SDK1: variants seen among roughly 807,000 people sequenced by gnomAD.
The protein encoded by SDK1 is protein sidekick-1.
SDK1 carries 157 observed loss-of-function variants against 245.5 expected under a neutral mutation model. The observed-to-expected ratio is 0.64, with a 90% CI of 0.56 to 0.73. The LOEUF is 0.73. Ranked by LOEUF, SDK1 falls within the 30% of genes least tolerant of loss-of-function variation. SDK1 has a pLI of 0.00. For synonymous variants in SDK1, 1,647 were observed against 1,278.5 expected, an observed-to-expected ratio of 1.29 and a Z score of -6.15; for missense variants, 3,583 against 3,002.3, an observed-to-expected ratio of 1.19 and a Z score of -4.52.
chr7:4,179,829 G>A (rs1424257550), intron 35 of SDK1, among the ~76,000 whole-genome samples: 3 of 151,942 alleles, frequency 2.0e-5, no homozygotes, highest in African/African-American at 7.2e-5. Context: ...GTATTCGGGT[G>A]ACTGGGCCCC....
chr7:3,746,552 A>G (rs1215709126), intron 4 of SDK1, among the ~76,000 whole-genome samples: 1 of 152,232 alleles, frequency 6.6e-6, no homozygotes. Flanking sequence ...TTTATCAACT[A>G]AGAGTATGTA....
chr7:4,236,705 G>A (rs1378798365), intron 41 of SDK1, among the ~76,000 whole-genome samples: 2 of 152,036 alleles, frequency 1.3e-5, no homozygotes, highest in African/African-American at 4.8e-5. Flanking sequence ...GACCTCTCTT[G>A]GGTGATGTAA....
chr7:4,010,923 T>C (rs1052166593), intron 14 of SDK1, 43 bp from the exon 15 acceptor site: 2 of 1,607,786 alleles, frequency 1.2e-6, no homozygotes, highest in Admixed American at 1.7e-5. Context: ...TATTCAGACA[T>C]GATAAGCCTG....
rs577254059 is a variant in SDK1, at chr7:3,605,054, T to A, written c.299-14026T>A. Among the ~76,000 whole-genome samples the A allele has an allele frequency of 1.4e-4, 21 of 152,198 alleles. No homozygotes were observed. In the South Asian group the frequency reaches 2.1e-3, roughly 15 times the overall value. On this transcript the variant is annotated intron_variant, in intron 1 of 44. Transcript: ENST00000404826. ...AGGATACACTCTGTATAAATTTAGT[T>A]CTTTTAATTTTTTTTAGGTTTGTTT...
intron 35 of SDK1, 73 bp from the exon 36 acceptor site, chr7:4,205,805 TG>T (rs2128227111): frequency 8.5e-7 from 1 of 1,179,768 alleles, no homozygotes; most frequent in Non-Finnish European, 1.2e-6. Flanking sequence ...TCGAGCCCCA[TG>T]GGCATGTGGG....
chr7:3,673,679 C>G lies in SDK1; in HGVS notation c.713+31574C>G, dbSNP rs533202606. Among the ~76,000 whole-genome samples the G allele has an allele frequency of 2.3e-4, 35 of 152,272 alleles. No individual in the cohort carries two copies. The South Asian group carries it at 5.2e-3, about 23-fold the overall frequency. On this transcript the variant is annotated intron_variant, in intron 4 of 44. Transcript: ENST00000404826. ...GTAGTTTCGTCTTGCTCTGCAAAGACAAAAGCTCAGTCATTGACCTGGAGG... is the reference window on the plus strand; with the variant it reads ...GTAGTTTCGTCTTGCTCTGCAAAGAGAAAAGCTCAGTCATTGACCTGGAGG...
At chr7:3,594,868 A>G (rs1781002288) in intron 1 of SDK1, among the ~76,000 whole-genome samples, 1 of 152,206 alleles carries the variant, frequency 6.6e-6, no homozygotes, top group African/African-American at 2.4e-5. Context: ...AAAGAATCAT[A>G]CCTGCATCTC....
At chr7:3,630,673 A>G (rs578185671) in intron 2 of SDK1, among the ~76,000 whole-genome samples, 1 of 152,314 alleles carries the variant, frequency 6.6e-6, no homozygotes, top group African/African-American at 2.4e-5. Context: ...AAAAAATCTG[A>G]AGTAAGGATA....
chr7:3,985,715 G>A (rs958489157), intron 13 of SDK1, among the ~76,000 whole-genome samples: 4 of 152,120 alleles, frequency 2.6e-5, no homozygotes, highest in Non-Finnish European at 4.4e-5. Context: ...TCCTGGGCTC[G>A]CATTTATTCT....
At chr7:4,096,902 G>A (rs534009764) in intron 22 of SDK1, among the ~76,000 whole-genome samples, 4 of 152,328 alleles carry the variant, frequency 2.6e-5, no homozygotes, top group African/African-American at 7.2e-5. Flanking sequence ...GTAAGGATCT[G>A]TAGCCCAGGA....
intron 1 of SDK1, among the ~76,000 whole-genome samples, chr7:3,329,773 C>T (rs1471415266): frequency 6.6e-6 from 1 of 152,206 alleles, no homozygotes; most frequent in Admixed American, 6.5e-5. Flanking sequence ...TAAAAAACTG[C>T]ATCTGTACTG....
In SDK1 at chr7:3,642,015, C is replaced by T. The variant is rs150788248; in HGVS notation, c.623C>T (p.Ala208Val). The change falls in exon 4 of 45, where the codon GCG (alanine) becomes GTG (valine). Residue 208 changes from alanine to valine, a missense_variant. Ala to Val is a moderately conservative substitution (Grantham distance 64). Transcript: ENST00000404826. Reference sequence around the variant, plus strand: ...AAAACAGTTTCTCAAGGACGTGCAGCGATTCTAAACCTGCTGCCCATCACC... The same window carrying T: ...AAAACAGTTTCTCAAGGACGTGCAGTGATTCTAAACCTGCTGCCCATCACC... Reference protein sequence around the residue: ...QRKTVSQGRAAILNLLPITSY... With the variant: ...QRKTVSQGRAVILNLLPITSY... 7 of 1,613,668 alleles carry T rather than the reference C, an allele frequency of 4.3e-6. No individual in the cohort carries two copies. Among genetic ancestry groups the T allele is most frequent in the Non-Finnish European group, 5.9e-6 (7 of 1,179,712 alleles).
At chr7:3,949,117 G>A (rs1336252365) in intron 5 of SDK1, among the ~76,000 whole-genome samples, 1 of 152,126 alleles carries the variant, frequency 6.6e-6, no homozygotes, top group Non-Finnish European at 1.5e-5. Context: ...TTTACAAAGC[G>A]AAGGCGTCAG....
chr7:4,167,238 A>G (rs1200750396), intron 32 of SDK1, among the ~76,000 whole-genome samples: 1 of 152,072 alleles, frequency 6.6e-6, no homozygotes, highest in African/African-American at 2.4e-5. Context: ...AAAAATACAA[A>G]AATTAGCCGG....
intron 38 of SDK1, among the ~76,000 whole-genome samples, chr7:4,210,843 C>T (rs913368860): frequency 6.6e-6 from 1 of 152,208 alleles, no homozygotes; most frequent in African/African-American, 2.4e-5. Context: ...AAACAACAGC[C>T]CGAGCGTGAT....
At chr7:3,908,158 G>C (rs890949273) in intron 5 of SDK1, among the ~76,000 whole-genome samples, 2 of 152,186 alleles carry the variant, frequency 1.3e-5, no homozygotes, top group African/African-American at 4.8e-5. Flanking sequence ...GTAACGTGCT[G>C]AGGGCTGCGG....
chr7:3,927,021 C>G (rs1237839929), intron 5 of SDK1, among the ~76,000 whole-genome samples: 1 of 152,200 alleles, frequency 6.6e-6, no homozygotes, highest in East Asian at 1.9e-4. Context: ...ACCGCGCTCT[C>G]AGCCACAGAG....
At chr7:3,599,191 G>C (rs750076511) in intron 1 of SDK1, among the ~76,000 whole-genome samples, 2 of 150,670 alleles carry the variant, frequency 1.3e-5, no homozygotes, top group Non-Finnish European at 2.9e-5. Context: ...GATATCTCAT[G>C]GTGGTTTAAT....
intron 20 of SDK1, among the ~76,000 whole-genome samples, chr7:4,074,856 T>TTCTCTCTCTC (rs1159856321): frequency 6.4e-4 from 46 of 72,294 alleles, no homozygotes; most frequent in African/African-American, 4.3e-3. Flanking sequence ...GAGCAAGACT[T>TTCTCTCTCTC]TCTCTCTCTC....
Sources: allele counts gnomAD v4.1 joint callset (sites outside exome capture counted in the v4.1 genomes callset), GRCh38; gene constraint gnomAD v4.1.1; transcripts MANE v1.5; gene names NCBI Gene and HGNC (gene_info 2026-07-23, HGNC 2026-07-21).